XKR4: variants seen among roughly 807,000 people sequenced by gnomAD.
The protein encoded by XKR4 is XK related 4.
Under a neutral mutation model 53.9 loss-of-function variants are expected in XKR4, and 12 were observed. That is an observed-to-expected ratio of 0.22 (90% CI 0.14 to 0.36). XKR4 has a LOEUF of 0.36. Ranked by LOEUF, XKR4 falls within the 10% of genes least tolerant of loss-of-function variation. The probability of loss-of-function intolerance (pLI) is 1.00; values close to 1 mark genes in which losing one functional copy is unlikely to be tolerated. For missense variants in XKR4, 799 were observed against 859.5 expected, an observed-to-expected ratio of 0.93 and a Z score of 0.88; for synonymous variants, 354 against 362.4, an observed-to-expected ratio of 0.98 and a Z score of 0.26.
At chr8:55,436,564 C>G (rs1233913194) in intron 2 of XKR4, among the ~76,000 whole-genome samples, 1 of 152,144 alleles carries the variant, frequency 6.6e-6, no homozygotes, top group African/African-American at 2.4e-5. Context: ...TTCCTTGGGC[C>G]ATGCTTTTTC....
intron 2 of XKR4, among the ~76,000 whole-genome samples, chr8:55,492,726 C>A (rs1410705760): frequency 6.6e-6 from 1 of 152,226 alleles, no homozygotes; most frequent in Non-Finnish European, 1.5e-5. Flanking sequence ...TTGTTTGGTT[C>A]CTAAGATATA....
intron 1 of XKR4, among the ~76,000 whole-genome samples, chr8:55,237,841 T>A (rs914034762): frequency 6.6e-6 from 1 of 152,230 alleles, no homozygotes; most frequent in African/African-American, 2.4e-5. Context: ...TGACTCCTTG[T>A]GCTTCTAGAC....
At chr8:55,126,180 A>G (rs1816466811) in intron 1 of XKR4, among the ~76,000 whole-genome samples, 1 of 152,256 alleles carries the variant, frequency 6.6e-6, no homozygotes. Context: ...CCTTTCATGC[A>G]GCTAGAGAAC....
At chr8:55,131,636 T>C (rs1018902529) in intron 1 of XKR4, among the ~76,000 whole-genome samples, 3 of 152,224 alleles carry the variant, frequency 2.0e-5, no homozygotes, top group African/African-American at 4.8e-5. Flanking sequence ...CAGTGCGCGA[T>C]TGACATGCTC....
intron 1 of XKR4, among the ~76,000 whole-genome samples, chr8:55,232,593 T>C (rs1818059000): frequency 2.6e-5 from 4 of 152,354 alleles, no homozygotes; most frequent in South Asian, 2.1e-4. Flanking sequence ...CAAAAAATCA[T>C]GTAGAACTTG....
intron 2 of XKR4, among the ~76,000 whole-genome samples, chr8:55,378,375 T>G (rs535913559): frequency 8.5e-5 from 13 of 152,338 alleles, no homozygotes; most frequent in African/African-American, 3.1e-4. Context: ...CTGGCTATTT[T>G]TATTGCCTTA....
Position 55,102,432 on chromosome 8 carries a change from G to A in XKR4, c.-57G>A. On this transcript the variant is annotated 5_prime_UTR_variant, in exon 1 of 3. Coordinates refer to ENST00000327381, the MANE Select transcript of XKR4 (RefSeq NM_052898.2). This position sits in a 1 kb window ranked among gnomAD's most constrained non-coding sequence, Gnocchi z 5.1. ...CGAGGCGAGGAGGTGGCGGGAGGAG[G>A]AGACAGCGGGGAAAGGTGTCAGATA... 1 of 1,498,968 alleles carries A rather than the reference G, an allele frequency of 6.7e-7. No individual in the cohort carries two copies. The highest frequency in any genetic ancestry group is 9.0e-7 in the Non-Finnish European group (1 of 1,115,982). The allele number at this position is 1,498,968 out of a possible 1,614,324, so 92.9% of individuals were successfully genotyped here.
chr8:55,174,691 C>T (rs755582771), intron 1 of XKR4, among the ~76,000 whole-genome samples: 4 of 152,138 alleles, frequency 2.6e-5, no homozygotes, highest in Admixed American at 6.5e-5. Context: ...TTTTTTCAGT[C>T]CTACTTTTTG....
At chr8:55,218,236 T>C (rs1217256061) in intron 1 of XKR4, among the ~76,000 whole-genome samples, 1 of 152,230 alleles carries the variant, frequency 6.6e-6, no homozygotes, top group East Asian at 1.9e-4. Context: ...TTCACATCAG[T>C]ATTATAAAAG....
At position 55,353,261 on chromosome 8, in the gene XKR4, G is replaced by A. The variant is rs1246280059; in HGVS notation, c.807-4417G>A. Reference sequence around the variant, plus strand: ...ATTTTGGAAATAGAATAAGATCTTTGTCATGATCAAGTGAAGATGAGATCA... The same window carrying A: ...ATTTTGGAAATAGAATAAGATCTTTATCATGATCAAGTGAAGATGAGATCA... On this transcript the variant is annotated intron_variant, in intron 1 of 2. Transcript: ENST00000327381. Among the ~76,000 whole-genome samples the A allele has an allele frequency of 5.3e-5, 8 of 152,268 alleles. No individual in the cohort carries two copies. The East Asian group carries it at 1.5e-3, about 29-fold the overall frequency.
At chr8:55,268,735 A>C (rs958615476) in intron 1 of XKR4, among the ~76,000 whole-genome samples, 1 of 152,166 alleles carries the variant, frequency 6.6e-6, no homozygotes, top group Non-Finnish European at 1.5e-5. Flanking sequence ...TAAATCACTT[A>C]ATCCCCGCAA....
chr8:55,483,557 C>A (rs1377448592), intron 2 of XKR4, among the ~76,000 whole-genome samples: 1 of 151,426 alleles, frequency 6.6e-6, no homozygotes, highest in Non-Finnish European at 1.5e-5. Context: ...ATCACGGATG[C>A]CAGGTGGAAA....
In XKR4 at chr8:55,524,277, A is replaced by G. The variant is rs1330220952; in HGVS notation, c.*50A>G. ...AACATCCAGATGAAGGGGTGACAGC[A>G]GGGCTGTGGCCATAATGACACTTCA... On this transcript the variant is annotated 3_prime_UTR_variant, in exon 3 of 3. Coordinates refer to ENST00000327381, the MANE Select transcript of XKR4 (RefSeq NM_052898.2). The G allele has an allele frequency of 2.6e-6, 4 of 1,540,556 alleles. No individual in the cohort carries two copies. In the African/African-American group the frequency reaches 5.5e-5, roughly 21 times the overall value.
intron 1 of XKR4, among the ~76,000 whole-genome samples, chr8:55,200,223 A>G (rs900097398): frequency 6.6e-6 from 1 of 151,982 alleles, no homozygotes; most frequent in Admixed American, 6.6e-5. Flanking sequence ...GCCCACCACA[A>G]CGCCCAGCTA....
chr8:55,234,225 C>T (rs1818088442), intron 1 of XKR4, among the ~76,000 whole-genome samples: 1 of 152,172 alleles, frequency 6.6e-6, no homozygotes, highest in Admixed American at 6.5e-5. Flanking sequence ...GCCTTATACC[C>T]ACCCTATAGA....
chr8:55,212,832 GTGT>G (rs1189213660), intron 1 of XKR4, among the ~76,000 whole-genome samples: 1 of 152,136 alleles, frequency 6.6e-6, no homozygotes. Flanking sequence ...TCGTTGGGTG[GTGT>G]TCATCCAGTT....
At chr8:55,172,198 A>G (rs570400636) in intron 1 of XKR4, among the ~76,000 whole-genome samples, 2 of 150,668 alleles carry the variant, frequency 1.3e-5, no homozygotes, top group South Asian at 4.2e-4. Context: ...TCGACAGAGC[A>G]AGACTCTCTC....
At chr8:55,128,189 T>C (rs28670535) in intron 1 of XKR4, among the ~76,000 whole-genome samples, 85,530 of 151,736 alleles carry the variant, frequency 0.56, 24,710 homozygotes, top group South Asian at 0.72. Context: ...TAGTTTACAG[T>C]CCCACCAACA....
At chr8:55,336,022 A>G (rs1446981454) in intron 1 of XKR4, among the ~76,000 whole-genome samples, 1 of 138,764 alleles carries the variant, frequency 7.2e-6, no homozygotes, top group Admixed American at 7.6e-5. Flanking sequence ...GTTATAAAAA[A>G]TTTTATGCAA....
Sources: gnomAD v4.1 joint callset for allele counts (sites outside exome capture counted in the v4.1 genomes callset) on GRCh38, gnomAD v4.1.1 for gene constraint, Gnocchi (gnomAD v3.1) non-coding constraint, MANE v1.5 for transcripts, NCBI Gene and HGNC (gene_info 2026-07-23, HGNC 2026-07-21) for gene names.